The following ABCA3 variants were observed in gnomAD, a reference collection of about 807,000 sequenced individuals.
ABCA3 encodes phospholipid-transporting ATPase ABCA3.
ABCA3 carries 88 observed loss-of-function variants against 172.8 expected under a neutral mutation model. The ratio of observed to expected loss-of-function variants is 0.51; its 90% CI spans 0.43 to 0.61. The LOEUF (loss-of-function observed/expected upper bound fraction) is 0.61, where lower values mean the gene tolerates loss of function less well. Among genes scored for constraint, ABCA3 ranks in the 20% least tolerant of loss-of-function variants. ABCA3 has a pLI of 0.00. For synonymous variants in ABCA3, 1,066 were observed against 983.8 expected, an observed-to-expected ratio of 1.08 and a Z score of -1.56; for missense variants, 2,164 against 2,301.0, an observed-to-expected ratio of 0.94 and a Z score of 1.22.
At chr16:2,336,691 C>A (rs374661662) in intron 1 of ABCA3, among the ~76,000 whole-genome samples, 28 of 150,520 alleles carry the variant, frequency 1.9e-4, no homozygotes, top group African/African-American at 6.3e-4. Flanking sequence ...CCACCCACCT[C>A]GGCCTCCCAA....
At position 2,286,695 on chromosome 16, in the gene ABCA3, C is replaced by T. The variant is rs771850303; in HGVS notation, c.3277G>A (p.Glu1093Lys). Reference protein sequence around the residue: ...ALQAAKDQFNEGRKGFDIALN... With the variant: ...ALQAAKDQFNKGRKGFDIALN... ...GACAGGGACGGGCAGTGCACATACT[C>T]GTTAAACTGGTCCTTGGCAGCCTGC... Residue 1093 changes from glutamate (E) to lysine (K), a missense_variant and splice_region_variant, in exon 22 of 33, where the codon GAG becomes AAG. Glu to Lys is a moderately conservative substitution (Grantham distance 56, BLOSUM62 1). This residue lies in a region of ABCA3 where 795 missense variants were observed against 881.9 expected (regional missense o/e 0.90). Transcript: ENST00000301732. The surrounding 1 kb of genome is among the most constrained non-coding windows in gnomAD (Gnocchi z 5.2). The T allele has an allele frequency of 1.5e-5, 25 of 1,613,066 alleles. No individual in the cohort carries two copies. Among genetic ancestry groups the T allele is most frequent in the Middle Eastern group, 1.8e-4 (1 of 5,466 alleles).
In ABCA3 at chr16:2,297,964, G is replaced by A; in HGVS notation, c.1897-43C>T. 6.2e-7 allele frequency: 1 copy of A among 1,611,012 alleles called. No homozygotes were observed. The highest frequency in any genetic ancestry group is 8.5e-7 in the Non-Finnish European group (1 of 1,179,584). On this transcript the variant is annotated intron_variant, in intron 15 of 32. Coordinates refer to ENST00000301732, the MANE Select transcript of ABCA3 (RefSeq NM_001089.3). The surrounding 1 kb of genome is among the most constrained non-coding windows in gnomAD (Gnocchi z 5.6). ...GCAGGGAGATGCAGGGCTCCTGGCG[G>A]GAGGCCGACCCTGGCCAGCGAGGTT...
Position 2,319,748 on chromosome 16 carries a change from G to C in ABCA3, c.706C>G (p.Gln236Glu). The C allele has an allele frequency of 6.2e-7, 1 of 1,613,952 alleles. No individual in the cohort carries two copies. Among genetic ancestry groups the C allele is most frequent in the South Asian group, 1.1e-5 (1 of 91,070 alleles). The change falls in exon 8 of 33, where the codon CAG becomes GAG. Residue 236 changes from glutamine (Q) to glutamate (E), a missense_variant. By Grantham distance (29) the Gln-to-Glu change is conservative (BLOSUM62 2). Transcript: ENST00000301732. The stretch of plus-strand genomic sequence containing the variant: ...CTCTTGATGGTCACCGTCAGTCTCT[G>C]GAACAGCTGGCGTGTGGCGGCATCG... ...HADAATRQLF[Q>E]RLTVTIKRFP...
At chr16:2,304,926 C>T (rs541359910) in intron 11 of ABCA3, among the ~76,000 whole-genome samples, 4 of 152,050 alleles carry the variant, frequency 2.6e-5, no homozygotes, top group African/African-American at 7.2e-5. Context: ...TCGCCTGCCT[C>T]GGCCTCCCAA....
rs996367384 is a variant in ABCA3 at position 2,279,615 on chromosome 16, G to A, written c.4360-485C>T. 6.6e-6 allele frequency among the ~76,000 whole-genome samples: 1 copy of A among 152,230 alleles called. No individual in the cohort carries two copies. The highest frequency in any genetic ancestry group is 2.4e-5 in the African/African-American group (1 of 41,458). On this transcript the variant is annotated intron_variant, in intron 28 of 32. Transcript: ENST00000301732. The surrounding 1 kb of genome is among the most constrained non-coding windows in gnomAD (Gnocchi z 4.4). Reference sequence around the variant, plus strand: ...ACCACGTCCAGCTGAATTAAGACGTGCCTGCTGCCATCTGCTTAGCTACCT... The same window carrying A: ...ACCACGTCCAGCTGAATTAAGACGTACCTGCTGCCATCTGCTTAGCTACCT...
At position 2,297,217 on chromosome 16, in the gene ABCA3, C is replaced by G. The variant is rs2093681152; in HGVS notation, c.2263+112G>C. The G allele has an allele frequency of 1.6e-6, 2 of 1,233,518 alleles. No individual in the cohort carries two copies. Among genetic ancestry groups the G allele is most frequent in the Non-Finnish European group, 2.3e-6 (2 of 868,758 alleles). The allele number at this position is 1,233,518 out of a possible 1,614,324, so 76.4% of individuals were successfully genotyped here. On this transcript the variant is annotated intron_variant, in intron 17 of 32. Transcript: ENST00000301732. The surrounding 1 kb of genome is among the most constrained non-coding windows in gnomAD (Gnocchi z 5.6). Reference sequence around the variant, plus strand: ...CACCCAGAGGCAACAGACAGGAAGTCTAGAAAAGGCCACCCCTGCCTGATC... The same window carrying G: ...CACCCAGAGGCAACAGACAGGAAGTGTAGAAAAGGCCACCCCTGCCTGATC...
At chr16:2,312,885 A>G (rs1446363274) in intron 10 of ABCA3, among the ~76,000 whole-genome samples, 1 of 151,514 alleles carries the variant, frequency 6.6e-6, no homozygotes, top group Admixed American at 6.6e-5. Flanking sequence ...CCCTAACTCT[A>G]CAAAAACTAC....
At chr16:2,312,544 T>C (rs80015493) in intron 10 of ABCA3, among the ~76,000 whole-genome samples, 9 of 152,082 alleles carry the variant, frequency 5.9e-5, no homozygotes. Flanking sequence ...TTTTTTTTTT[T>C]TGAGATGAAG....
intron 10 of ABCA3, among the ~76,000 whole-genome samples, chr16:2,315,775 C>T (rs991465391): frequency 1.3e-5 from 2 of 151,892 alleles, no homozygotes; most frequent in Non-Finnish European, 2.9e-5. Context: ...GCAATGCTCC[C>T]ACCTCAGCCT....
At chr16:2,299,603 C>A (rs2093685764) in intron 13 of ABCA3, 71 bp from the exon 14 acceptor site, 1 of 1,602,382 alleles carries the variant, frequency 6.2e-7, no homozygotes, top group Admixed American at 1.7e-5. Flanking sequence ...CTCTCCTGCT[C>A]CCCTGCCCGA....
chr16:2,290,686 A>G (rs1240154364), intron 19 of ABCA3, among the ~76,000 whole-genome samples: 5 of 152,204 alleles, frequency 3.3e-5, no homozygotes, highest in African/African-American at 1.2e-4. Context: ...GACACAGGTC[A>G]GCGGGCAGTC....
rs1399169019 is a variant in ABCA3, at chr16:2,329,640, GA to G, written c.-332+7del. 6.5e-6 allele frequency: 1 copy of G among 152,674 alleles called. No individual in the cohort carries two copies. The highest frequency in any genetic ancestry group is 2.4e-5 in the African/African-American group (1 of 41,470). 9.5% of individuals were successfully genotyped at this position (152,674 alleles called of 1,614,324 possible). On this transcript the variant is annotated splice_region_variant and intron_variant, in intron 2 of 32. Transcript: ENST00000301732. ...ACACAGGCTGCAGGGCAGTACCAGG[GA>G]ACTCACCTGGGTCCCAGAAGAGGCT... is the stretch of plus-strand genomic sequence containing the variant.
rs905123973 is a variant in ABCA3, at chr16:2,279,974, C to T, written c.4360-844G>A. Among the ~76,000 whole-genome samples the T allele has an allele frequency of 6.6e-6, 1 of 152,214 alleles. No homozygotes were observed. Among genetic ancestry groups the T allele is most frequent in the African/African-American group, 2.4e-5 (1 of 41,444 alleles). On this transcript the variant is annotated intron_variant, in intron 28 of 32. Transcript: ENST00000301732. This position sits in a 1 kb window ranked among gnomAD's most constrained non-coding sequence, Gnocchi z 4.4. Reference sequence around the variant, plus strand: ...CCATGTTGGCCAGGCTGGTCTCGAACTCTAGACCTCAAGTGATCTGCCTGC... The same window carrying T: ...CCATGTTGGCCAGGCTGGTCTCGAATTCTAGACCTCAAGTGATCTGCCTGC...
intron 7 of ABCA3, among the ~76,000 whole-genome samples, chr16:2,320,133 CTG>C (rs1388201208): frequency 6.6e-6 from 1 of 151,856 alleles, no homozygotes; most frequent in Non-Finnish European, 1.5e-5. Context: ...GAATCTCACT[CTG>C]TCGCCCAGGC....
intron 10 of ABCA3, among the ~76,000 whole-genome samples, chr16:2,316,934 A>G (rs1230614285): frequency 6.6e-6 from 1 of 152,202 alleles, no homozygotes; most frequent in African/African-American, 2.4e-5. Context: ...AAAGAGAATG[A>G]TAACAAAGTG....
intron 13 of ABCA3, 145 bp downstream of exon 13, chr16:2,299,860 G>A (rs1210700920): frequency 1.1e-5 from 13 of 1,200,602 alleles, no homozygotes; most frequent in Middle Eastern, 2.8e-4. Flanking sequence ...AGAGGGCAGC[G>A]GAGGGTTCCT....
At position 2,279,908 on chromosome 16, in the gene ABCA3, T is replaced by C. The variant is rs150927; in HGVS notation, c.4360-778A>G. On this transcript the variant is annotated intron_variant, in intron 28 of 32. Transcript: ENST00000301732. This position sits in a 1 kb window ranked among gnomAD's most constrained non-coding sequence, Gnocchi z 4.4. ...ATTATAGGCACCTGCCACCATGCCC[T>C]GCTAATTTTTGTATTTTTCTTTGGT... Among the ~76,000 whole-genome samples the C allele has an allele frequency of 2.0e-3, 304 of 152,216 alleles. No homozygotes were observed. Among genetic ancestry groups the C allele is most frequent in the Non-Finnish European group, 3.7e-3 (254 of 67,996 alleles).
rs1360628229 is a variant in ABCA3, at chr16:2,282,969, G to A, written c.4035+217C>T. Among the ~76,000 whole-genome samples, 8 of 152,294 alleles carry A rather than the reference G, an allele frequency of 5.3e-5. No individual in the cohort carries two copies. The South Asian group carries it at 1.0e-3, about 20-fold the overall frequency. ...CCCTGGGCCCCCAGGCTGACTCCTCGGCAGGGGCTCACAACTCGACAGCCC... is the reference window on the plus strand; with the variant it reads ...CCCTGGGCCCCCAGGCTGACTCCTCAGCAGGGGCTCACAACTCGACAGCCC... On this transcript the variant is annotated intron_variant, in intron 26 of 32. Coordinates refer to ENST00000301732, the MANE Select transcript of ABCA3 (RefSeq NM_001089.3).
Position 2,295,737 on chromosome 16 carries a change from G to A in ABCA3, c.2267C>T (p.Ala756Val), listed in dbSNP as rs543809920. The change falls in exon 18 of 33, where the codon GCC becomes GTC. Residue 756 changes from alanine (A) to valine (V), a missense_variant. By Grantham distance (64) the Ala-to-Val change is moderately conservative. This residue lies in a region of ABCA3 where 1,343 missense variants were observed against 1,369.6 expected (regional missense o/e 0.98). Transcript: ENST00000301732. Reference sequence around the variant, plus strand: ...CTTCACCAGCGTCATGTGATAGCCGGCACCTGGAATACAGGGCCACGTGTG... The same window carrying A: ...CTTCACCAGCGTCATGTGATAGCCGACACCTGGAATACAGGGCCACGTGTG... ...SSLFLKQKYG[A>V]GYHMTLVKEP... 3 of 1,613,854 alleles carry A rather than the reference G, an allele frequency of 1.9e-6. No individual in the cohort carries two copies. Among genetic ancestry groups the A allele is most frequent in the East Asian group, 2.2e-5 (1 of 44,884 alleles).
Sources: allele counts gnomAD v4.1 joint callset (sites outside exome capture counted in the v4.1 genomes callset), GRCh38; gene constraint gnomAD v4.1.1; regional missense constraint gnomAD v4.1.1; non-coding constraint Gnocchi (gnomAD v3.1); transcripts MANE v1.5; gene names NCBI Gene and HGNC (gene_info 2026-07-23, HGNC 2026-07-21).